The following CLVS2 variants were observed in gnomAD, a reference collection of about 807,000 sequenced individuals.
CLVS2 encodes clavesin 2.
In CLVS2, 19 loss-of-function variants were observed where a neutral mutation model predicts 29.0. The observed-to-expected ratio is 0.66, with a 90% CI of 0.46 to 0.96. The LOEUF (loss-of-function observed/expected upper bound fraction) is 0.96, where lower values mean the gene tolerates loss of function less well. Ranked by LOEUF, CLVS2 falls within the 40% of genes least tolerant of loss-of-function variation. CLVS2 has a pLI of 0.00. For synonymous variants in CLVS2, 161 were observed against 151.3 expected, an observed-to-expected ratio of 1.06 and a Z score of -0.47; for missense variants, 294 against 404.1, an observed-to-expected ratio of 0.73 and a Z score of 2.34.
rs1219793979 is a variant in CLVS2, at chr6:123,068,524, A to G, written c.*4763A>G. The G allele has an allele frequency of 6.6e-6, 1 of 151,744 alleles. No individual in the cohort carries two copies. The highest frequency in any genetic ancestry group is 1.5e-5 in the Non-Finnish European group (1 of 67,732). The allele number at this position is 151,744 out of a possible 1,614,324, so 9.4% of individuals were successfully genotyped here. A position where few individuals can be genotyped will look rare whatever the true frequency, so the allele number is the denominator to read the frequency against. The stretch of plus-strand genomic sequence containing the variant: ...TAATTCATTTACTTTTAACAGAGAT[A>G]CAAAGCACTGTCTTGTTTCTAATCC... On this transcript the variant is annotated 3_prime_UTR_variant, in exon 6 of 6. Transcript: ENST00000275162.
At chr6:123,024,791 C>T (rs1774976987) in intron 3 of CLVS2, among the ~76,000 whole-genome samples, 1 of 152,040 alleles carries the variant, frequency 6.6e-6, no homozygotes, top group Non-Finnish European at 1.5e-5. Flanking sequence ...GGTGCAATTA[C>T]TGTAATGAGT....
intron 2 of CLVS2, among the ~76,000 whole-genome samples, chr6:123,006,422 T>C (rs1171590717): frequency 6.6e-6 from 1 of 152,032 alleles, no homozygotes; most frequent in Non-Finnish European, 1.5e-5. Context: ...TTTAGGACAA[T>C]TTATCTCACA....
At chr6:123,004,108 G>A (rs1774629633) in intron 2 of CLVS2, among the ~76,000 whole-genome samples, 1 of 152,122 alleles carries the variant, frequency 6.6e-6, no homozygotes, top group Non-Finnish European at 1.5e-5. Context: ...GGAACAGAAC[G>A]TTAAGATGGA....
At chr6:123,041,975 A>G (rs893490485) in intron 3 of CLVS2, among the ~76,000 whole-genome samples, 9 of 152,218 alleles carry the variant, frequency 5.9e-5, no homozygotes, top group Admixed American at 4.6e-4. Context: ...ATTCTAAAAA[A>G]AGTTACCTAC....
In CLVS2 at chr6:122,997,654, TG is replaced by T; in HGVS notation, c.-123del. On this transcript the variant is annotated 5_prime_UTR_variant, in exon 2 of 6. Coordinates refer to ENST00000275162, the MANE Select transcript of CLVS2 (RefSeq NM_001010852.4). Reference sequence around the variant, plus strand: ...TTGGACACCAAGATTATTAATTTCCTGTAGGGGAGAGGAAGCAGGCAGCAGG... The same window carrying T: ...TTGGACACCAAGATTATTAATTTCCTTAGGGGAGAGGAAGCAGGCAGCAGG... The T allele has an allele frequency of 1.1e-6, 1 of 880,112 alleles. No individual in the cohort carries two copies. Among genetic ancestry groups the T allele is most frequent in the Non-Finnish European group, 1.8e-6 (1 of 565,152 alleles). The allele number at this position is 880,112 out of a possible 1,614,324, so 54.5% of individuals were successfully genotyped here.
At chr6:123,035,749 A>G (rs564434513) in intron 3 of CLVS2, among the ~76,000 whole-genome samples, 1 of 152,086 alleles carries the variant, frequency 6.6e-6, no homozygotes, top group Non-Finnish European at 1.5e-5. Flanking sequence ...CAAGGCATGT[A>G]ATCTTTTTCA....
intron 3 of CLVS2, among the ~76,000 whole-genome samples, chr6:123,037,898 C>T (rs571140522): frequency 5.9e-5 from 9 of 152,190 alleles, no homozygotes; most frequent in African/African-American, 1.2e-4. Context: ...TCAATGTTCC[C>T]GCAGCACAGC....
chr6:123,059,106 C>CA (rs1772738274), intron 5 of CLVS2, among the ~76,000 whole-genome samples: 1 of 152,142 alleles, frequency 6.6e-6, no homozygotes, highest in Non-Finnish European at 1.5e-5. Flanking sequence ...TTTTCAGACA[C>CA]ATTAGTCTTC....
At position 123,020,566 on chromosome 6, in the gene CLVS2, T is replaced by G. The variant is rs1562166333; in HGVS notation, c.564+9407T>G. On this transcript the variant is annotated intron_variant, in intron 3 of 5. Transcript: ENST00000275162. Reference sequence around the variant, plus strand: ...ATACTGAGAGAGTTTCACGATAAAGTCTTGTTGTATGTGTGGACTTAGAGA... The same window carrying G: ...ATACTGAGAGAGTTTCACGATAAAGGCTTGTTGTATGTGTGGACTTAGAGA... Among the ~76,000 whole-genome samples the G allele has an allele frequency of 2.0e-5, 3 of 151,980 alleles. No individual in the cohort carries two copies. In the South Asian group the frequency reaches 6.2e-4, roughly 32 times the overall value.
intron 3 of CLVS2, among the ~76,000 whole-genome samples, chr6:123,019,499 G>T (rs921509133): frequency 1.3e-5 from 2 of 151,870 alleles, no homozygotes; most frequent in Admixed American, 1.3e-4. Context: ...AGGGGCAGGC[G>T]ATTTCTATTT....
At chr6:123,034,047 A>T (rs764188084) in intron 3 of CLVS2, among the ~76,000 whole-genome samples, 39 of 152,150 alleles carry the variant, frequency 2.6e-4, no homozygotes, top group South Asian at 1.0e-3. Flanking sequence ...TTAATTTTTT[A>T]AAAAGTGAAA....
At chr6:123,012,926 A>G (rs1299358169) in intron 3 of CLVS2, among the ~76,000 whole-genome samples, 1 of 152,044 alleles carries the variant, frequency 6.6e-6, no homozygotes, top group East Asian at 1.9e-4. Flanking sequence ...TTGATGTGTT[A>G]CTAACCTTTA....
At chr6:123,028,545 C>T (rs1775035823) in intron 3 of CLVS2, among the ~76,000 whole-genome samples, 2 of 152,138 alleles carry the variant, frequency 1.3e-5, no homozygotes, top group Non-Finnish European at 1.5e-5. Context: ...TGTTTATGCA[C>T]ATTCAGAGCA....
intron 3 of CLVS2, among the ~76,000 whole-genome samples, chr6:123,025,965 C>T (rs971646696): frequency 2.6e-4 from 39 of 152,086 alleles, no homozygotes; most frequent in Middle Eastern, 3.4e-3. Flanking sequence ...AAACACATAG[C>T]ACTATTTATG....
chr6:123,071,261 CTTG>C lies in CLVS2; in HGVS notation c.*7505_*7507del, dbSNP rs777867678. 11 of 151,898 alleles carry C rather than the reference CTTG, an allele frequency of 7.2e-5. No individual in the cohort carries two copies. Among genetic ancestry groups the C allele is most frequent in the Non-Finnish European group, 1.5e-4 (10 of 67,898 alleles). 9.4% of individuals were successfully genotyped at this position (151,898 alleles called of 1,614,324 possible). A position where few individuals can be genotyped will look rare whatever the true frequency, so the allele number is the denominator to read the frequency against. ...CCAATAGTATGAATTGAAAGAGTTT[CTTG>C]TTGTCTTAATTTAAAAAATTTTGTT... On this transcript the variant is annotated 3_prime_UTR_variant, in exon 6 of 6. Transcript: ENST00000275162.
intron 3 of CLVS2, among the ~76,000 whole-genome samples, chr6:123,029,565 A>C (rs1457677202): frequency 6.6e-6 from 1 of 152,182 alleles, no homozygotes; most frequent in Non-Finnish European, 1.5e-5. Context: ...TAAGGAAATA[A>C]GGAATAAGGA....
chr6:123,036,075 T>C (rs1421599278), intron 3 of CLVS2, among the ~76,000 whole-genome samples: 1 of 152,126 alleles, frequency 6.6e-6, no homozygotes, highest in Non-Finnish European at 1.5e-5. Flanking sequence ...CCAATTCCAT[T>C]GTAAAATTTG....
chr6:123,042,725 G>A (rs1404140002), intron 3 of CLVS2, among the ~76,000 whole-genome samples: 2 of 152,166 alleles, frequency 1.3e-5, no homozygotes, highest in African/African-American at 4.8e-5. Flanking sequence ...CTTTCGTCAG[G>A]AAGGCAAGTG....
At chr6:123,058,174 A>G (rs1772722558) in intron 5 of CLVS2, among the ~76,000 whole-genome samples, 8 of 152,088 alleles carry the variant, frequency 5.3e-5, no homozygotes. Flanking sequence ...ATAAATCCTC[A>G]CAACAACCGT....
Sources: allele counts gnomAD v4.1 joint callset (sites outside exome capture counted in the v4.1 genomes callset), GRCh38; gene constraint gnomAD v4.1.1; transcripts MANE v1.5; gene names NCBI Gene and HGNC (gene_info 2026-07-23, HGNC 2026-07-21).